The following COMMD10 variants were observed in gnomAD, a reference collection of about 807,000 sequenced individuals.
COMMD10 encodes the protein COMM domain containing 10.
A neutral mutation model predicts 28.9 loss-of-function variants in COMMD10; 33 were observed. The ratio of observed to expected loss-of-function variants is 1.14; its 90% CI spans 0.87 to 1.53. COMMD10 has a LOEUF of 1.53. Among genes scored for constraint, COMMD10 ranks in the 40% most tolerant of loss-of-function variants. The probability of loss-of-function intolerance (pLI) is 0.00; values close to 1 mark genes in which losing one functional copy is unlikely to be tolerated. For synonymous variants in COMMD10, 110 were observed against 81.7 expected, an observed-to-expected ratio of 1.35 and a Z score of -1.87; for missense variants, 310 against 233.4, an observed-to-expected ratio of 1.33 and a Z score of -2.14.
At chr5:116,266,722 G>C (rs1239332608) in intron 5 of COMMD10, among the ~76,000 whole-genome samples, 1 of 151,762 alleles carries the variant, frequency 6.6e-6, no homozygotes, top group Non-Finnish European at 1.5e-5. Flanking sequence ...ACTGAATCCA[G>C]CAGCACATCA....
intron 5 of COMMD10, among the ~76,000 whole-genome samples, chr5:116,187,985 A>G (rs1748197194): frequency 6.6e-6 from 1 of 152,218 alleles, no homozygotes; most frequent in African/African-American, 2.4e-5. Flanking sequence ...TTCTTTTTCA[A>G]GTATATAGAT....
chr5:116,180,197 T>A (rs535180813), intron 5 of COMMD10, among the ~76,000 whole-genome samples: 1 of 152,124 alleles, frequency 6.6e-6, no homozygotes, highest in Non-Finnish European at 1.5e-5. Context: ...CCTCTGTACA[T>A]TTTCAGTTAT....
chr5:116,186,412 A>G (rs1048059214), intron 5 of COMMD10, among the ~76,000 whole-genome samples: 4 of 151,552 alleles, frequency 2.6e-5, no homozygotes, highest in African/African-American at 7.3e-5. Flanking sequence ...CACTTTTTTC[A>G]TTTCATGAAA....
At chr5:116,206,478 C>T (rs1174556889) in intron 5 of COMMD10, among the ~76,000 whole-genome samples, 1 of 152,070 alleles carries the variant, frequency 6.6e-6, no homozygotes. Flanking sequence ...TGGTGAAACC[C>T]AGTTTCCACT....
At chr5:116,105,030 G>A (rs1750793312) in intron 4 of COMMD10, among the ~76,000 whole-genome samples, 1 of 152,310 alleles carries the variant, frequency 6.6e-6, no homozygotes. Flanking sequence ...TCCTTGTCTT[G>A]TGCTGGTTTT....
chr5:116,136,110 A>C (rs1197200287), intron 5 of COMMD10, among the ~76,000 whole-genome samples: 1 of 152,174 alleles, frequency 6.6e-6, no homozygotes, highest in Non-Finnish European at 1.5e-5. Context: ...GTTTTAATTC[A>C]GAGCTCTCAC....
Position 116,175,242 on chromosome 5 carries a change from A to G in COMMD10, c.510+41064A>G, listed in dbSNP as rs568618420. Among the ~76,000 whole-genome samples, 4 of 151,764 alleles carry G rather than the reference A, an allele frequency of 2.6e-5. No individual in the cohort carries two copies. In the East Asian group the frequency reaches 5.9e-4, roughly 22 times the overall value. ...GTCTGTATCACCTCACTAAAATACA[A>G]ATTTCTTAAGGGCAGTGGCTTTAAA... On this transcript the variant is annotated intron_variant, in intron 5 of 6. Coordinates refer to ENST00000274458, the MANE Select transcript of COMMD10 (RefSeq NM_016144.4).
chr5:116,186,759 T>G lies in COMMD10; in HGVS notation c.510+52581T>G, dbSNP rs567642438. ...TGAATAAATTAACAACTGTAGCTTT[T>G]CCCAGTTCAGTGCATCAGTTGTGTC... On this transcript the variant is annotated intron_variant, in intron 5 of 6. Transcript: ENST00000274458. Among the ~76,000 whole-genome samples, 5 of 152,306 alleles carry G rather than the reference T, an allele frequency of 3.3e-5. 1 individual carries two copies. In the South Asian group the frequency reaches 1.0e-3, roughly 32 times the overall value.
At chr5:116,161,201 A>G (rs1752904975) in intron 5 of COMMD10, among the ~76,000 whole-genome samples, 2 of 152,212 alleles carry the variant, frequency 1.3e-5, no homozygotes, top group Middle Eastern at 3.4e-3. Context: ...TGGGCTTTGG[A>G]TTCAGCAAAC....
intron 5 of COMMD10, among the ~76,000 whole-genome samples, chr5:116,267,212 C>G (rs1580598020): frequency 1.3e-5 from 2 of 151,756 alleles, no homozygotes; most frequent in South Asian, 4.1e-4. Flanking sequence ...TGTCTCCAGC[C>G]CAAAATCTCC....
chr5:116,269,035 G>A (rs372527611), intron 5 of COMMD10, among the ~76,000 whole-genome samples: 2 of 151,374 alleles, frequency 1.3e-5, no homozygotes, highest in African/African-American at 2.4e-5. Flanking sequence ...AACATGGCAC[G>A]TGTATACATA....
chr5:116,135,562 C>T (rs1044423271), intron 5 of COMMD10, among the ~76,000 whole-genome samples: 1 of 152,228 alleles, frequency 6.6e-6, no homozygotes, highest in Non-Finnish European at 1.5e-5. Context: ...TCCATAGTTT[C>T]AGTTACCCGC....
chr5:116,241,166 A>T (rs1749795923), intron 5 of COMMD10, among the ~76,000 whole-genome samples: 1 of 152,190 alleles, frequency 6.6e-6, no homozygotes, highest in Non-Finnish European at 1.5e-5. Flanking sequence ...AAGAAATTAG[A>T]ACATGAAGTT....
chr5:116,204,959 C>T (rs781299717), intron 5 of COMMD10, among the ~76,000 whole-genome samples: 1 of 152,050 alleles, frequency 6.6e-6, no homozygotes, highest in Non-Finnish European at 1.5e-5. Flanking sequence ...GGTAAACCTT[C>T]TGTTTGTTTT....
chr5:116,223,757 C>G (rs1436242117), intron 5 of COMMD10, among the ~76,000 whole-genome samples: 1 of 152,112 alleles, frequency 6.6e-6, no homozygotes, highest in Admixed American at 6.6e-5. Flanking sequence ...GAAAGAAGTT[C>G]ATGATCGTAG....
At chr5:116,135,673 A>G (rs909279111) in intron 5 of COMMD10, among the ~76,000 whole-genome samples, 14 of 152,156 alleles carry the variant, frequency 9.2e-5, no homozygotes, top group Non-Finnish European at 1.6e-4. Context: ...TAGTTGTTCT[A>G]TTTTATTATT....
chr5:116,145,841 T>G (rs1752333381), intron 5 of COMMD10, among the ~76,000 whole-genome samples: 1 of 151,924 alleles, frequency 6.6e-6, no homozygotes, highest in African/African-American at 2.4e-5. Flanking sequence ...AGAAGGTGTC[T>G]TGCTTCCTCT....
intron 5 of COMMD10, among the ~76,000 whole-genome samples, chr5:116,151,503 G>C (rs956014741): frequency 6.6e-6 from 1 of 152,036 alleles, no homozygotes. Flanking sequence ...CTCTTTGGTT[G>C]GTAAGCTATT....
chr5:116,243,411 A>G (rs1749863768), intron 5 of COMMD10, among the ~76,000 whole-genome samples: 1 of 152,158 alleles, frequency 6.6e-6, no homozygotes, highest in Non-Finnish European at 1.5e-5. Context: ...AGAAGTGAAA[A>G]TTTACATGTT....
Sources: allele counts gnomAD v4.1 joint callset (sites outside exome capture counted in the v4.1 genomes callset), GRCh38; gene constraint gnomAD v4.1.1; transcripts MANE v1.5; gene names NCBI Gene and HGNC (gene_info 2026-07-23, HGNC 2026-07-21).